Variants in ZNF577 observed in about 807,000 individuals in gnomAD.
ZNF577 encodes zinc finger protein 577.
ZNF577 carries 14 observed loss-of-function variants against 13.9 expected under a neutral mutation model. The observed-to-expected ratio is 1.00, with a 90% confidence interval of 0.66 to 1.57. ZNF577 has a LOEUF of 1.57. Among genes scored for constraint, ZNF577 ranks in the 40% most tolerant of loss-of-function variants. The pLI is 0.00. For missense variants in ZNF577, 555 were observed against 579.2 expected (o/e 0.96, Z 0.43); for synonymous variants, 203 against 202.9 (o/e 1.00, Z 0.00).
At chr19:51,856,573 G>A (rs145636319) in intron 5 of ZNF577, among the ~76,000 whole-genome samples, 1,615 of 152,222 alleles carry the variant, frequency 0.011, 25 homozygotes, top group African/African-American at 0.034. Flanking sequence ...TTAATTATCC[G>A]TATTTTGGGT....
intron 9 of ZNF577, chr19:51,811,763 G>C (rs539881861): frequency 6.6e-6 from 1 of 150,556 alleles, no homozygotes; most frequent in African/African-American, 2.5e-5. Flanking sequence ...CTTGCCTCTA[G>C]TGGACAAGGA....
intron 9 of ZNF577, among the ~76,000 whole-genome samples, chr19:51,815,866 AAAAAAG>A (rs1000508464): frequency 1.6e-4 from 24 of 147,734 alleles, no homozygotes; most frequent in Non-Finnish European, 2.9e-4. Context: ...TGTCTCAAAA[AAAAAAG>A]AAAAAAGAAA....
At position 51,824,163 on chromosome 19, in the gene ZNF577, A is replaced by C. The variant is rs1568433146; in HGVS notation, c.*600-12489T>G. On this transcript the variant is annotated intron_variant and NMD_transcript_variant, in intron 9 of 10. Coordinates refer to the ZNF577 transcript ENST00000638827. This position sits in a 1 kb window ranked among gnomAD's most constrained non-coding sequence, Gnocchi z 4.7. ...AGCCTGGGCCCAGAACCATCGCACCATGAGTCTGGCCAAGAGGGTGATGAC... is the reference window on the plus strand; with the variant it reads ...AGCCTGGGCCCAGAACCATCGCACCCTGAGTCTGGCCAAGAGGGTGATGAC... 6.2e-7 allele frequency: 1 copy of C among 1,614,088 alleles called. No homozygotes were observed. Among genetic ancestry groups the C allele is most frequent in the East Asian group, 2.2e-5 (1 of 44,864 alleles).
At chr19:51,819,097 G>A (rs911135465) in intron 9 of ZNF577, among the ~76,000 whole-genome samples, 1 of 152,210 alleles carries the variant, frequency 6.6e-6, no homozygotes, top group Non-Finnish European at 1.5e-5. Context: ...TAAGGAAAAT[G>A]AAAGGTGAGT....
chr19:51,847,645 T>G (rs531846041), intron 5 of ZNF577, among the ~76,000 whole-genome samples: 95 of 151,946 alleles, frequency 6.3e-4, no homozygotes, highest in Non-Finnish European at 9.9e-4. Flanking sequence ...AATCCACAGC[T>G]CTAAACACTG....
At chr19:51,834,735 G>A (rs900626494) in intron 9 of ZNF577, among the ~76,000 whole-genome samples, 1 of 152,122 alleles carries the variant, frequency 6.6e-6, no homozygotes, top group African/African-American at 2.4e-5. Flanking sequence ...TCAAGCTGCA[G>A]TGAAGTGGCA....
intron 9 of ZNF577, among the ~76,000 whole-genome samples, chr19:51,814,201 T>A (rs2084117557): frequency 6.6e-6 from 1 of 152,212 alleles, no homozygotes; most frequent in Non-Finnish European, 1.5e-5. Context: ...GCGTCTCCAC[T>A]TGTCTTCATG....
intron 5 of ZNF577, among the ~76,000 whole-genome samples, chr19:51,858,438 AAC>A (rs1220868801): frequency 3.9e-5 from 6 of 152,204 alleles, no homozygotes; most frequent in Non-Finnish European, 2.9e-5. Flanking sequence ...GACACACACA[AAC>A]ACACACAGAA....
chr19:51,876,851 C>A (rs1418066799), intron 5 of ZNF577, among the ~76,000 whole-genome samples: 1 of 151,286 alleles, frequency 6.6e-6, no homozygotes, highest in Non-Finnish European at 1.5e-5. Flanking sequence ...TCACTTAAAC[C>A]TGGGAGGTGG....
chr19:51,817,074 G>C (rs2084142558), intron 9 of ZNF577, among the ~76,000 whole-genome samples: 1 of 152,074 alleles, frequency 6.6e-6, no homozygotes, highest in South Asian at 2.1e-4. Flanking sequence ...TCCCACAGAA[G>C]GTTAGAGGTG....
Position 51,880,394 on chromosome 19 carries a change from T to TA in ZNF577, c.-13dup, listed in dbSNP as rs773529529. 4 of 1,614,048 alleles carry TA rather than the reference T, an allele frequency of 2.5e-6. No individual in the cohort carries two copies. The South Asian group carries it at 4.4e-5, about 18-fold the overall frequency. ...GTGGCATTTTTCATGTGTTTCCTGTTATTTCAGCTGCCAAAAAAAAGGAGA... is the reference window on the plus strand; with the variant it reads ...GTGGCATTTTTCATGTGTTTCCTGTTAATTTCAGCTGCCAAAAAAAAGGAGA... On this transcript the variant is annotated 5_prime_UTR_variant, in exon 3 of 6. The change abolishes the stop of an existing upstream ORF in the 5' untranslated region. Transcript: ENST00000638348.
intron 1 of ZNF577, among the ~76,000 whole-genome samples, chr19:51,885,829 CA>C (rs980666477): frequency 1.3e-5 from 2 of 152,052 alleles, no homozygotes; most frequent in African/African-American, 4.8e-5. Context: ...TTTTATGCAC[CA>C]AAAGACATGT....
intron 9 of ZNF577, among the ~76,000 whole-genome samples, chr19:51,835,208 A>G (rs1046569222): frequency 3.3e-5 from 5 of 152,168 alleles, no homozygotes; most frequent in Admixed American, 6.5e-5. Context: ...GACCAATCTT[A>G]GGAATGAAAA....
In ZNF577 at chr19:51,880,719, A is replaced by C; in HGVS notation, c.-60T>G. On this transcript the variant is annotated 5_prime_UTR_variant, in exon 2 of 6. Transcript: ENST00000638348. ...TTCGTTCAACTCTTAGGGGCTAGCA[A>C]CTCTAGTATGTTCTCTCTCTTCTGT... The C allele has an allele frequency of 3.3e-6, 1 of 299,386 alleles. No individual in the cohort carries two copies. Among genetic ancestry groups the C allele is most frequent in the Non-Finnish European group, 6.3e-6 (1 of 157,708 alleles). The allele number at this position is 299,386 out of a possible 1,614,324, so 18.5% of individuals were successfully genotyped here. A position where few individuals can be genotyped will look rare whatever the true frequency, so the allele number is the denominator to read the frequency against.
At chr19:51,865,213 C>T (rs8107034), downstream of ZNF577, among the ~76,000 whole-genome samples, 4,158 of 152,254 alleles carry the variant, frequency 0.027, 204 homozygotes, top group African/African-American at 0.093. Flanking sequence ...TCTCCAACCG[C>T]ACCTCTGGAG....
chr19:51,845,732 T>C (rs1030519849), intron 5 of ZNF577, among the ~76,000 whole-genome samples: 19 of 152,232 alleles, frequency 1.2e-4, no homozygotes, highest in Non-Finnish European at 2.6e-4. Context: ...TATTTGTCTT[T>C]CTCTGTGAGG....
rs1599866462 is a variant in ZNF577 at position 51,869,877 on chromosome 19, C to T, written c.*2655G>A. ...CACTGCCCATGGCCAAACTACACTT[C>T]CTAGGAAGCTCAGCAGCCCTGTTCA... On this transcript the variant is annotated 3_prime_UTR_variant, in exon 6 of 6. Coordinates refer to ENST00000638348, the MANE Select transcript of ZNF577 (RefSeq NM_001370449.1). Among the ~76,000 whole-genome samples the T allele has an allele frequency of 6.6e-6, 1 of 152,140 alleles. No homozygotes were observed. Among genetic ancestry groups the T allele is most frequent in the Non-Finnish European group, 1.5e-5 (1 of 67,988 alleles).
chr19:51,838,232 A>G (rs1371373405), intron 9 of ZNF577, among the ~76,000 whole-genome samples: 1 of 152,216 alleles, frequency 6.6e-6, no homozygotes, highest in Non-Finnish European at 1.5e-5. Flanking sequence ...TCCACATATA[A>G]GTGCATATTT....
rs1310421549 is a variant in ZNF577 at position 51,871,018 on chromosome 19, G to A, written c.*1514C>T. Among the ~76,000 whole-genome samples the A allele has an allele frequency of 6.6e-6, 1 of 152,192 alleles. No homozygotes were observed. The highest frequency in any genetic ancestry group is 6.5e-5 in the Admixed American group (1 of 15,278). The stretch of plus-strand genomic sequence containing the variant: ...ATTTACTGTAAAAGAAAAAGGGACT[G>A]TTTGGGTTGGCTATGAAAAAGTTAG... On this transcript the variant is annotated 3_prime_UTR_variant, in exon 6 of 6. Coordinates refer to ENST00000638348, the MANE Select transcript of ZNF577 (RefSeq NM_001370449.1).
Sources: allele counts gnomAD v4.1 joint callset (sites outside exome capture counted in the v4.1 genomes callset), GRCh38; gene constraint gnomAD v4.1.1; non-coding constraint Gnocchi (gnomAD v3.1); transcripts MANE v1.5; gene names NCBI Gene and HGNC (gene_info 2026-07-23, HGNC 2026-07-21).